The following TET2 variants were observed in gnomAD, a reference collection of about 807,000 sequenced individuals.
The protein encoded by TET2 is tet methylcytosine dioxygenase 2.
A neutral mutation model predicts 142.9 loss-of-function variants in TET2; 299 were observed. That is an observed-to-expected ratio of 2.09 (90% confidence interval 1.90 to 2.30). The LOEUF is 2.30. Ranked by LOEUF, TET2 falls within the 30% of genes most tolerant of loss-of-function variation. The probability of loss-of-function intolerance (pLI) is 0.00; values close to 1 mark genes in which losing one functional copy is unlikely to be tolerated. For missense variants in TET2, 2,418 were observed against 2,378.0 expected, an observed-to-expected ratio of 1.02 and a Z score of -0.35; for synonymous variants, 819 against 849.0, an observed-to-expected ratio of 0.96 and a Z score of 0.61.
intron 3 of TET2, 139 bp downstream of exon 3, chr4:105,237,490 AC>A: frequency 6.2e-7 from 1 of 1,605,372 alleles, no homozygotes; most frequent in Non-Finnish European, 8.5e-7. Flanking sequence ...TCTGAAGCTT[AC>A]ATTTTTTGTC....
intron 3 of TET2, chr4:105,240,366 G>C (rs1335262456): frequency 1.6e-5 from 17 of 1,069,696 alleles, no homozygotes; most frequent in Non-Finnish European, 1.7e-5. Flanking sequence ...ATATGTAATA[G>C]GTCTGTAGGA....
At chr4:105,271,574 C>T (rs551666971) in intron 9 of TET2, among the ~76,000 whole-genome samples, 1 of 152,302 alleles carries the variant, frequency 6.6e-6, no homozygotes, top group African/African-American at 2.4e-5. Context: ...AATTTGAAGA[C>T]TTCTGTGCAG....
chr4:105,258,675 T>C (rs1458192371), intron 6 of TET2, among the ~76,000 whole-genome samples: 1 of 152,222 alleles, frequency 6.6e-6, no homozygotes, highest in South Asian at 2.1e-4. Flanking sequence ...TCTGCTTCTC[T>C]TGTACACTGA....
intron 1 of TET2, among the ~76,000 whole-genome samples, chr4:105,170,003 G>A (rs1300891401): frequency 6.6e-6 from 1 of 152,022 alleles, no homozygotes; most frequent in East Asian, 1.9e-4. Context: ...ATAAAGTCAG[G>A]TAATGTGATT....
At chr4:105,241,920 C>T (rs1284749989) in intron 4 of TET2, 1 of 1,226,218 alleles carries the variant, frequency 8.2e-7, no homozygotes, top group African/African-American at 1.7e-5. Context: ...GAAAGAGAAA[C>T]ATACTATTTA....
chr4:105,244,598 T>G (rs758143666), intron 6 of TET2, among the ~76,000 whole-genome samples: 1 of 141,372 alleles, frequency 7.1e-6, no homozygotes, highest in South Asian at 2.3e-4. Flanking sequence ...TTTTTTTTTT[T>G]TTTTTTTTTT....
rs1327529544 is a variant in TET2, at chr4:105,276,176, C to A, written c.5666C>A (p.Pro1889His). 6.4e-7 allele frequency: 1 copy of A among 1,551,528 alleles called. No homozygotes were observed. Among genetic ancestry groups the A allele is most frequent in the Non-Finnish European group, 8.7e-7 (1 of 1,146,952 alleles). ...ELHATTPLKN[P>H]NRNHPTRISL... The stretch of plus-strand genomic sequence containing the variant: ...CATGCCACAACCCCTTTAAAGAATC[C>A]CAATAGGAATCACCCCACCAGGATC... The change falls in exon 11 of 11, where the codon CCC becomes CAC. Residue 1889 changes from proline to histidine, a missense_variant. Transcript: ENST00000380013.
chr4:105,194,354 T>C (rs1725956981), intron 2 of TET2, among the ~76,000 whole-genome samples: 1 of 152,158 alleles, frequency 6.6e-6, no homozygotes, highest in Non-Finnish European at 1.5e-5. Context: ...TTTCCTGATT[T>C]ACAATGTTAT....
intron 6 of TET2, 74 bp from the exon 7 acceptor site, chr4:105,259,545 G>C: frequency 4.3e-6 from 6 of 1,399,458 alleles, no homozygotes; most frequent in Non-Finnish European, 5.7e-6. Flanking sequence ...TTTGCATATA[G>C]ACACCTATAA....
chr4:105,211,632 G>T (rs1185314778), intron 2 of TET2, among the ~76,000 whole-genome samples: 1 of 152,126 alleles, frequency 6.6e-6, no homozygotes, highest in African/African-American at 2.4e-5. Context: ...TCAGAAGAGG[G>T]CACTGCAGCT....
chr4:105,196,854 A>G (rs1316993570), intron 2 of TET2, among the ~76,000 whole-genome samples: 1 of 152,208 alleles, frequency 6.6e-6, no homozygotes, highest in Admixed American at 6.5e-5. Flanking sequence ...CATAGTAGGC[A>G]TTCAATCATA....
intron 1 of TET2, among the ~76,000 whole-genome samples, chr4:105,185,952 C>T (rs116001054): frequency 0.12 from 17,889 of 152,094 alleles, 1,100 homozygotes; most frequent in Middle Eastern, 0.19. Flanking sequence ...TATGGCTGGG[C>T]GTGGTGGCTC....
At chr4:105,244,202 G>A (rs965041355) in intron 6 of TET2, among the ~76,000 whole-genome samples, 3 of 152,166 alleles carry the variant, frequency 2.0e-5, no homozygotes, top group Non-Finnish European at 4.4e-5. Context: ...CCTTCCATAT[G>A]TATGTAGCAA....
intron 10 of TET2, among the ~76,000 whole-genome samples, chr4:105,273,130 C>G (rs1224206960): frequency 1.3e-5 from 2 of 152,098 alleles, no homozygotes; most frequent in Non-Finnish European, 2.9e-5. Context: ...CCTGATGCAC[C>G]CCTACCAATA....
chr4:105,253,519 C>T (rs1729972752), intron 6 of TET2, among the ~76,000 whole-genome samples: 1 of 151,124 alleles, frequency 6.6e-6, no homozygotes, highest in Non-Finnish European at 1.5e-5. Flanking sequence ...TTTCCTGCAA[C>T]CATGTTATAT....
chr4:105,212,781 G>A (rs1027970433), intron 2 of TET2, among the ~76,000 whole-genome samples: 16 of 152,254 alleles, frequency 1.1e-4, no homozygotes, highest in African/African-American at 3.6e-4. Context: ...CCTGAAGTCA[G>A]GAGTTCAAAA....
intron 3 of TET2, chr4:105,240,650 A>G (rs554809718): frequency 1.1e-5 from 12 of 1,079,866 alleles, no homozygotes; most frequent in Non-Finnish European, 1.4e-5. Context: ...CTCATAGATA[A>G]TATTTGGTAA....
chr4:105,236,555 T>C lies in TET2; in HGVS notation c.2613T>C (p.Asn871=), dbSNP rs1289425813. 3.7e-6 allele frequency: 6 copies of C among 1,614,122 alleles called. No homozygotes were observed. Among genetic ancestry groups the C allele is most frequent in the Non-Finnish European group, 5.1e-6 (6 of 1,180,008 alleles). Residue 871 remains asparagine, a synonymous_variant, in exon 3 of 11, where the codon AAT becomes AAC. Coordinates refer to ENST00000380013, the MANE Select transcript of TET2 (RefSeq NM_001127208.3). ...ATCACATGCAATATTTTCCAAATAA[T>C]GTGATCCCAAAGCAAGATCTTCTTC... ...NLHHMQYFPN[N]VIPKQDLLHR... is the part of the protein sequence containing the mutation.
intron 3 of TET2, chr4:105,239,868 TC>T (rs1408020135): frequency 2.1e-5 from 5 of 235,830 alleles, no homozygotes; most frequent in African/African-American, 1.1e-4. Context: ...ATACAACTCT[TC>T]CTTTCACTTG....
Sources: allele counts gnomAD v4.1 joint callset (sites outside exome capture counted in the v4.1 genomes callset), GRCh38; gene constraint gnomAD v4.1.1; transcripts MANE v1.5; gene names NCBI Gene and HGNC (gene_info 2026-07-23, HGNC 2026-07-21).